The following RASAL2 variants were observed in gnomAD, a reference collection of about 807,000 sequenced individuals.
RASAL2 encodes ras GTPase-activating protein nGAP.
RASAL2 carries 58 observed loss-of-function variants against 128.9 expected under a neutral mutation model. The ratio of observed to expected loss-of-function variants is 0.45; its 90% CI spans 0.36 to 0.56. The LOEUF (loss-of-function observed/expected upper bound fraction) is 0.56. RASAL2 is among the 20% of genes least tolerant of loss of function. RASAL2 has a pLI of 0.00. For missense variants in RASAL2, 1,360 were observed against 1,601.6 expected, an observed-to-expected ratio of 0.85 and a Z score of 2.57; for synonymous variants, 561 against 580.8, an observed-to-expected ratio of 0.97 and a Z score of 0.49.
At chr1:178,252,179 A>C (rs1014072270) in intron 1 of RASAL2, among the ~76,000 whole-genome samples, 16 of 152,194 alleles carry the variant, frequency 1.1e-4, no homozygotes, top group Non-Finnish European at 2.4e-4. Flanking sequence ...TTTTAAAATT[A>C]ATTCTGAGGA....
intron 1 of RASAL2, among the ~76,000 whole-genome samples, chr1:178,137,992 A>G (rs1177484849): frequency 6.6e-6 from 1 of 152,266 alleles, no homozygotes; most frequent in Admixed American, 6.5e-5. Context: ...TGCCAAAGGC[A>G]TTGTGGAAAC....
intron 12 of RASAL2, 100 bp from the exon 13 acceptor site, chr1:178,456,621 C>T: frequency 7.8e-7 from 1 of 1,279,728 alleles, no homozygotes; most frequent in Non-Finnish European, 1.1e-6. Context: ...TTCCCTCCAA[C>T]CTACACCCCT....
chr1:178,226,998 T>C (rs1161896396), intron 1 of RASAL2, among the ~76,000 whole-genome samples: 1 of 152,070 alleles, frequency 6.6e-6, no homozygotes, highest in East Asian at 1.9e-4. Flanking sequence ...TGAAGCAAGC[T>C]ACATAAGAAT....
intron 1 of RASAL2, among the ~76,000 whole-genome samples, chr1:178,269,501 G>A (rs1239787810): frequency 6.6e-6 from 1 of 152,176 alleles, no homozygotes; most frequent in Non-Finnish European, 1.5e-5. Context: ...GTCACAGGAT[G>A]AGACAGGAGG....
chr1:178,354,039 A>T (rs1670663153), intron 3 of RASAL2, among the ~76,000 whole-genome samples: 3 of 152,316 alleles, frequency 2.0e-5, no homozygotes, highest in South Asian at 2.1e-4. Flanking sequence ...GACTACACAC[A>T]TCAGCTACTT....
At chr1:178,284,052 T>A (rs917879577) in intron 2 of RASAL2, among the ~76,000 whole-genome samples, 3 of 152,170 alleles carry the variant, frequency 2.0e-5, no homozygotes, top group Non-Finnish European at 4.4e-5. Context: ...ATTGGATTAA[T>A]TGAAAGAGGT....
chr1:178,386,046 G>A (rs1416078344), intron 3 of RASAL2, among the ~76,000 whole-genome samples: 1 of 152,042 alleles, frequency 6.6e-6, no homozygotes, highest in Non-Finnish European at 1.5e-5. Context: ...GGAATTTTTG[G>A]CATTTACTCC....
At chr1:178,269,917 C>A (rs1195887755) in intron 1 of RASAL2, among the ~76,000 whole-genome samples, 1 of 152,174 alleles carries the variant, frequency 6.6e-6, no homozygotes, top group African/African-American at 2.4e-5. Context: ...TGGATCGGGA[C>A]CCTTTCCTGT....
chr1:178,442,737 C>T lies in RASAL2; in HGVS notation c.990C>T (p.Ala330=), dbSNP rs371614679. 78 of 1,613,652 alleles carry T rather than the reference C, an allele frequency of 4.8e-5. No individual in the cohort carries two copies. The Middle Eastern group carries it at 6.6e-4, about 14-fold the overall frequency. The part of the protein sequence containing the change: ...RLWIIEAKDL[A]PKKKYFCELC... ...GGATCATTGAAGCCAAGGACCTTGC[C>T]CCTAAAAAGAAATATTTCTGCGAAC... is the stretch of plus-strand genomic sequence containing the variant. Residue 330 remains alanine, a synonymous_variant, in exon 8 of 18, where the codon GCC becomes GCT. Coordinates refer to ENST00000367649, the MANE Select transcript of RASAL2 (RefSeq NM_170692.4).
intron 4 of RASAL2, among the ~76,000 whole-genome samples, chr1:178,405,774 A>G (rs1673964636): frequency 6.6e-6 from 1 of 152,256 alleles, no homozygotes; most frequent in African/African-American, 2.4e-5. Flanking sequence ...TTAATTTGTT[A>G]TAATGGCAGT....
chr1:178,421,572 G>T (rs149038697), intron 5 of RASAL2, among the ~76,000 whole-genome samples: 130 of 152,180 alleles, frequency 8.5e-4, no homozygotes, highest in Non-Finnish European at 1.6e-3. Context: ...CTTGCCCAGG[G>T]TCACACAGCT....
At position 178,424,101 on chromosome 1, in the gene RASAL2, T is replaced by C. The variant is rs528333566; in HGVS notation, c.674+3481T>C. ...TTTCTTGTTAAATTCTTCTTTATGA[T>C]ACTCTGCAAATTACTTTATTTTTCC... On this transcript the variant is annotated intron_variant, in intron 5 of 17. Transcript: ENST00000367649. Among the ~76,000 whole-genome samples the C allele has an allele frequency of 2.6e-5, 4 of 152,312 alleles. No homozygotes were observed. In the South Asian group the frequency reaches 8.3e-4, roughly 32 times the overall value.
intron 1 of RASAL2, among the ~76,000 whole-genome samples, chr1:178,185,311 C>T (rs1445567069): frequency 6.6e-6 from 1 of 151,188 alleles, no homozygotes; most frequent in Non-Finnish European, 1.5e-5. Context: ...TTTATTTCTT[C>T]TTTTCCTAAC....
intron 1 of RASAL2, among the ~76,000 whole-genome samples, chr1:178,149,276 T>C: frequency 6.6e-6 from 1 of 152,212 alleles, no homozygotes; most frequent in East Asian, 1.9e-4. Flanking sequence ...AAAGGGAATG[T>C]ACTAGGCATT....
At chr1:178,341,783 G>A (rs1009406486) in intron 3 of RASAL2, among the ~76,000 whole-genome samples, 70 of 152,302 alleles carry the variant, frequency 4.6e-4, no homozygotes, top group African/African-American at 1.5e-3. Context: ...GAAGCTGTCT[G>A]TTAGCATTCC....
chr1:178,336,297 G>A (rs909504105), intron 3 of RASAL2, among the ~76,000 whole-genome samples: 8 of 151,750 alleles, frequency 5.3e-5, no homozygotes, highest in Non-Finnish European at 1.0e-4. Context: ...GAAGTTAACT[G>A]CCTGCAGTAG....
rs546145540 is a variant in RASAL2 at position 178,358,193 on chromosome 1, G to A, written c.458-31907G>A. 6.7e-5 allele frequency among the ~76,000 whole-genome samples: 9 copies of A among 133,498 alleles called. No individual in the cohort carries two copies. In the East Asian group the frequency reaches 1.2e-3, roughly 17 times the overall value. 87.6% of individuals were successfully genotyped at this position (133,498 alleles called of 152,430 possible). ...GGAGGTTGCAGTAAGCCGAGAAGGCGCCACTGTTCTCCAGCCTCCGTGACA... is the reference window on the plus strand; with the variant it reads ...GGAGGTTGCAGTAAGCCGAGAAGGCACCACTGTTCTCCAGCCTCCGTGACA... On this transcript the variant is annotated intron_variant, in intron 3 of 17. Coordinates refer to ENST00000367649, the MANE Select transcript of RASAL2 (RefSeq NM_170692.4).
At chr1:178,181,713 T>G (rs939155107) in intron 1 of RASAL2, among the ~76,000 whole-genome samples, 2 of 152,158 alleles carry the variant, frequency 1.3e-5, no homozygotes, top group Non-Finnish European at 2.9e-5. Context: ...TTATTTTTTA[T>G]GACCTTGACA....
At chr1:178,121,460 G>A (rs560880715) in intron 1 of RASAL2, among the ~76,000 whole-genome samples, 1 of 151,886 alleles carries the variant, frequency 6.6e-6, no homozygotes, top group Non-Finnish European at 1.5e-5. Flanking sequence ...TAGAAATCAA[G>A]TATTTCTGCT....
Sources: allele counts gnomAD v4.1 joint callset (sites outside exome capture counted in the v4.1 genomes callset), GRCh38; gene constraint gnomAD v4.1.1; transcripts MANE v1.5; gene names NCBI Gene and HGNC (gene_info 2026-07-23, HGNC 2026-07-21).